Variants in RALGAPA1 observed in about 807,000 individuals in gnomAD.
The protein encoded by RALGAPA1 is Ral GTPase activating protein catalytic subunit alpha 1.
RALGAPA1 carries 52 observed loss-of-function variants against 269.6 expected under a neutral mutation model. That is an observed-to-expected ratio of 0.19 (90% CI 0.15 to 0.24). The LOEUF is 0.24. Ranked by LOEUF, RALGAPA1 falls within the 10% of genes least tolerant of loss-of-function variation. The probability of loss-of-function intolerance (pLI) is 1.00; values close to 1 mark genes in which losing one functional copy is unlikely to be tolerated. For missense variants in RALGAPA1, 1,917 were observed against 3,013.9 expected (o/e 0.64, Z 8.52); for synonymous variants, 817 against 1,008.3 (o/e 0.81, Z 3.60).
chr14:35,706,504 C>G (rs1044648085), intron 16 of RALGAPA1: 1 of 152,120 alleles, frequency 6.6e-6, no homozygotes, highest in Non-Finnish European at 1.5e-5. Flanking sequence ...CTCACCCATA[C>G]CATACTTTCT....
chr14:35,645,463 G>A (rs1329572076), intron 31 of RALGAPA1, among the ~76,000 whole-genome samples: 1 of 151,090 alleles, frequency 6.6e-6, no homozygotes, highest in East Asian at 2.0e-4. Flanking sequence ...GGGCGCAATG[G>A]CTCACGCCTG....
At chr14:35,599,063 C>A (rs1284748253) in intron 36 of RALGAPA1, among the ~76,000 whole-genome samples, 1 of 152,152 alleles carries the variant, frequency 6.6e-6, no homozygotes. Context: ...CTAGTGTTGT[C>A]ATTTTACCAG....
At chr14:35,669,895 A>G (rs1273441719) in intron 26 of RALGAPA1, among the ~76,000 whole-genome samples, 1 of 152,206 alleles carries the variant, frequency 6.6e-6, no homozygotes, top group Non-Finnish European at 1.5e-5. Flanking sequence ...GCTCAGTACA[A>G]TGTTGAGTAG....
intron 29 of RALGAPA1, 99 bp from the exon 30 acceptor site, chr14:35,654,576 TA>T (rs2063052242): frequency 8.9e-6 from 12 of 1,352,096 alleles, no homozygotes; most frequent in South Asian, 4.7e-5. Flanking sequence ...TTTGTAGGAT[TA>T]TAAATCCTAC....
At position 35,731,777 on chromosome 14, in the gene RALGAPA1, G is replaced by A. The variant is rs556188648; in HGVS notation, c.1588-3267C>T. On this transcript the variant is annotated intron_variant, in intron 12 of 41. Coordinates refer to ENST00000680220, the MANE Select transcript of RALGAPA1 (RefSeq NM_001346249.2). ...ATCTAAGAATAATTGGTGTTCCTGA[G>A]GAAGAAGAGAAATCTAAAAGTTGGA... Among the ~76,000 whole-genome samples the A allele has an allele frequency of 3.9e-5, 6 of 152,256 alleles. No homozygotes were observed. The East Asian group carries it at 1.2e-3, about 29-fold the overall frequency.
In RALGAPA1 at chr14:35,750,591, G is replaced by T. The variant is rs1311779995; in HGVS notation, c.902C>A (p.Ala301Asp). Reference protein sequence around the residue: ...IYCTKEPFIKARVIVIRWLVS... With the variant: ...IYCTKEPFIKDRVIVIRWLVS... Reference sequence around the variant, plus strand: ...CAGCCAACGAATGACAATAACACGAGCCTTAATGAAAGGCTCCTTTGTACA... The same window carrying T: ...CAGCCAACGAATGACAATAACACGATCCTTAATGAAAGGCTCCTTTGTACA... The change falls in exon 9 of 42, where the codon GCT (alanine) becomes GAT (aspartate). Residue 301 changes from alanine to aspartate, a missense_variant. Ala to Asp is a moderately radical substitution (Grantham distance 126). Coordinates refer to ENST00000680220, the MANE Select transcript of RALGAPA1 (RefSeq NM_001346249.2). The T allele has an allele frequency of 6.2e-7, 1 of 1,612,828 alleles. No homozygotes were observed. Among genetic ancestry groups the T allele is most frequent in the Non-Finnish European group, 8.5e-7 (1 of 1,179,076 alleles).
chr14:35,723,232 T>C lies in RALGAPA1; in HGVS notation c.1899A>G (p.Leu633=). 6.2e-7 allele frequency: 1 copy of C among 1,611,688 alleles called. No individual in the cohort carries two copies. The highest frequency in any genetic ancestry group is 8.5e-7 in the Non-Finnish European group (1 of 1,177,994). The change falls in exon 15 of 42, where the codon CTA becomes CTG. Residue 633 remains leucine (L), a synonymous_variant. Coordinates refer to ENST00000680220, the MANE Select transcript of RALGAPA1 (RefSeq NM_001346249.2). ...TLIVAWIKAN[L]NVYISRELWD... ...AAAGTTCTCGGGAGATGTACACATT[T>C]AGGTTTGCTTTGATCCAGGCAACTA... is the stretch of plus-strand genomic sequence containing the variant.
intron 37 of RALGAPA1, among the ~76,000 whole-genome samples, chr14:35,590,930 T>C (rs1352641449): frequency 6.6e-6 from 1 of 152,170 alleles, no homozygotes; most frequent in African/African-American, 2.4e-5. Context: ...GATAGGATTT[T>C]CAATAGAAAC....
intron 17 of RALGAPA1, among the ~76,000 whole-genome samples, chr14:35,692,516 G>A (rs1415601630): frequency 1.4e-5 from 2 of 139,758 alleles, no homozygotes; most frequent in Non-Finnish European, 3.1e-5. Flanking sequence ...CCTAAAACTT[G>A]TTACCATATA....
intron 13 of RALGAPA1, among the ~76,000 whole-genome samples, chr14:35,725,522 C>T (rs2069815638): frequency 6.6e-6 from 1 of 152,128 alleles, no homozygotes; most frequent in Non-Finnish European, 1.5e-5. Context: ...CAGATGGAAT[C>T]CAATCAAATC....
chr14:35,608,120 C>T (rs898221288), intron 35 of RALGAPA1, among the ~76,000 whole-genome samples: 1 of 152,040 alleles, frequency 6.6e-6, no homozygotes, highest in Non-Finnish European at 1.5e-5. Flanking sequence ...AAGGATGTAC[C>T]CTCTTTAGAG....
Position 35,748,579 on chromosome 14 carries a change from T to C in RALGAPA1, c.1251+6A>G. ...TATAAATTAAAAATACTGAGAGGTATGTTACCTGACGAAATATCTCTGTCA... is the reference window on the plus strand; with the variant it reads ...TATAAATTAAAAATACTGAGAGGTACGTTACCTGACGAAATATCTCTGTCA... On this transcript the variant is annotated splice_donor_region_variant and intron_variant, in intron 10 of 41. Transcript: ENST00000680220. The C allele has an allele frequency of 2.5e-6, 4 of 1,605,544 alleles. No homozygotes were observed. Among genetic ancestry groups the C allele is most frequent in the Non-Finnish European group, 2.6e-6 (3 of 1,175,920 alleles).
intron 3 of RALGAPA1, among the ~76,000 whole-genome samples, chr14:35,773,448 A>G (rs2074788521): frequency 6.6e-6 from 1 of 152,124 alleles, no homozygotes; most frequent in Non-Finnish European, 1.5e-5. Context: ...TTAAAGACAA[A>G]CATTTCTATG....
rs1018493873 is a variant in RALGAPA1, at chr14:35,562,131, T to A, written c.7496+8486A>T. ...AATTTGTCCATGATATTTAAGACCT[T>A]CATAGAAAGCATGAAGAACAAATGG... is the stretch of plus-strand genomic sequence containing the variant. On this transcript the variant is annotated intron_variant, in intron 39 of 41. Transcript: ENST00000680220. Among the ~76,000 whole-genome samples, 5 of 152,192 alleles carry A rather than the reference T, an allele frequency of 3.3e-5. No homozygotes were observed. In the East Asian group the frequency reaches 5.8e-4, roughly 18 times the overall value.
intron 36 of RALGAPA1, among the ~76,000 whole-genome samples, chr14:35,600,149 T>G (rs1330773867): frequency 6.6e-6 from 1 of 151,368 alleles, no homozygotes; most frequent in Non-Finnish European, 1.5e-5. Flanking sequence ...TTTTTTTTTT[T>G]GTTAATGTCC....
chr14:35,665,370 TTTCTC>T (rs1301364254), intron 26 of RALGAPA1, among the ~76,000 whole-genome samples: 4 of 152,226 alleles, frequency 2.6e-5, no homozygotes, highest in African/African-American at 9.6e-5. Flanking sequence ...ACATTTCTTT[TTTCTC>T]TTCTGCCTTC....
At chr14:35,644,572 C>T (rs1286812341) in intron 31 of RALGAPA1, among the ~76,000 whole-genome samples, 5 of 152,130 alleles carry the variant, frequency 3.3e-5, no homozygotes, top group African/African-American at 1.2e-4. Context: ...GCACTCTTAA[C>T]TATAAAGAGG....
rs187572130 is a variant in RALGAPA1 at position 35,636,722 on chromosome 14, C to T, written c.5677-1124G>A. Among the ~76,000 whole-genome samples the T allele has an allele frequency of 3.3e-5, 5 of 152,114 alleles. No individual in the cohort carries two copies. In the East Asian group the frequency reaches 5.8e-4, roughly 18 times the overall value. On this transcript the variant is annotated intron_variant, in intron 31 of 41. Coordinates refer to ENST00000680220, the MANE Select transcript of RALGAPA1 (RefSeq NM_001346249.2). ...TTTTAGGAGAGACGAGGTTTTGCCA[C>T]GTTGGCCAGGCTGGTCTTGAACTCC...
At chr14:35,673,549 G>A (rs550523377) in intron 24 of RALGAPA1, among the ~76,000 whole-genome samples, 15 of 152,088 alleles carry the variant, frequency 9.9e-5, no homozygotes, top group Non-Finnish European at 2.2e-4. Flanking sequence ...GACTGAGTGA[G>A]GCCCTGTCTT....
Sources: gnomAD v4.1 joint callset for allele counts (sites outside exome capture counted in the v4.1 genomes callset) on GRCh38, gnomAD v4.1.1 for gene constraint, MANE v1.5 for transcripts, NCBI Gene and HGNC (gene_info 2026-07-23, HGNC 2026-07-21) for gene names.